CTNND2: variants seen among roughly 807,000 people sequenced by gnomAD.
The protein encoded by CTNND2 is catenin delta-2.
A neutral mutation model predicts 144.4 loss-of-function variants in CTNND2; 22 were observed. That is an observed-to-expected ratio of 0.15 (90% CI 0.11 to 0.22). The LOEUF (loss-of-function observed/expected upper bound fraction) is 0.22. Ranked by LOEUF, CTNND2 falls within the 10% of genes least tolerant of loss-of-function variation. The pLI is 1.00. For synonymous variants in CTNND2, 751 were observed against 695.6 expected, an observed-to-expected ratio of 1.08 and a Z score of -1.25; for missense variants, 1,353 against 1,618.8, an observed-to-expected ratio of 0.84 and a Z score of 2.82.
chr5:11,293,514 T>G (rs1748583277), intron 9 of CTNND2, among the ~76,000 whole-genome samples: 1 of 152,160 alleles, frequency 6.6e-6, no homozygotes, highest in African/African-American at 2.4e-5. Context: ...TTTTACTGTT[T>G]CTTTTATAAT....
At chr5:11,034,952 A>G (rs1743907513) in intron 16 of CTNND2, among the ~76,000 whole-genome samples, 1 of 151,598 alleles carries the variant, frequency 6.6e-6, no homozygotes, top group African/African-American at 2.4e-5. Context: ...TACATGTGCC[A>G]TGCTGGTGCG....
At chr5:11,165,291 C>T (rs753274604) in intron 11 of CTNND2, among the ~76,000 whole-genome samples, 6 of 152,146 alleles carry the variant, frequency 3.9e-5, no homozygotes, top group Non-Finnish European at 7.4e-5. Context: ...ATCTCTGGTG[C>T]TTCATTTGGG....
At chr5:11,232,325 A>T (rs1316937911) in intron 10 of CTNND2, among the ~76,000 whole-genome samples, 1 of 35,238 alleles carries the variant, frequency 2.8e-5, no homozygotes, top group East Asian at 3.0e-3. Flanking sequence ...GTGCCTGGAA[A>T]AGCTGCAGAC....
chr5:11,099,344 G>A (rs1022276595), intron 14 of CTNND2, among the ~76,000 whole-genome samples: 4 of 152,170 alleles, frequency 2.6e-5, no homozygotes, highest in African/African-American at 7.2e-5. Context: ...AGATCTTGGA[G>A]CAATCATGAT....
chr5:11,643,712 ATTAC>A (rs1561651258), intron 2 of CTNND2, among the ~76,000 whole-genome samples: 2 of 152,068 alleles, frequency 1.3e-5, no homozygotes, highest in African/African-American at 4.8e-5. Flanking sequence ...CTTTAATGGG[ATTAC>A]TTATTATTGT....
At chr5:11,634,745 G>C (rs976039768) in intron 2 of CTNND2, among the ~76,000 whole-genome samples, 1 of 152,144 alleles carries the variant, frequency 6.6e-6, no homozygotes, top group Non-Finnish European at 1.5e-5. Flanking sequence ...AAGAAAATGA[G>C]TCAATGATGG....
intron 1 of CTNND2, among the ~76,000 whole-genome samples, chr5:11,868,257 G>A (rs1795868861): frequency 6.6e-6 from 1 of 152,094 alleles, no homozygotes; most frequent in Admixed American, 6.5e-5. Context: ...TGTCAGGACA[G>A]TCTTTGGGTG....
At chr5:11,319,616 G>C (rs902415074) in intron 9 of CTNND2, among the ~76,000 whole-genome samples, 1 of 152,246 alleles carries the variant, frequency 6.6e-6, no homozygotes, top group African/African-American at 2.4e-5. Context: ...TGCCTCTTCT[G>C]TTCAAGCGAT....
chr5:10,991,713 G>T (rs147723574), intron 19 of CTNND2, among the ~76,000 whole-genome samples: 117 of 152,318 alleles, frequency 7.7e-4, no homozygotes, highest in African/African-American at 2.7e-3. Flanking sequence ...TGACATGGAA[G>T]TTATAGTTGG....
chr5:11,869,294 T>C (rs867311995), intron 1 of CTNND2, among the ~76,000 whole-genome samples: 1 of 152,204 alleles, frequency 6.6e-6, no homozygotes, highest in Non-Finnish European at 1.5e-5. Context: ...GCAGCATTAT[T>C]CACAATTGCC....
chr5:11,491,894 T>C (rs1326981743), intron 3 of CTNND2, among the ~76,000 whole-genome samples: 1 of 152,198 alleles, frequency 6.6e-6, no homozygotes, highest in Non-Finnish European at 1.5e-5. Flanking sequence ...CATTGAACAT[T>C]TGGTTCTCTC....
intron 1 of CTNND2, among the ~76,000 whole-genome samples, chr5:11,737,091 G>A (rs1787724096): frequency 6.6e-6 from 1 of 152,076 alleles, no homozygotes; most frequent in South Asian, 2.1e-4. Flanking sequence ...TGGGTTCCCA[G>A]CAGTAGAATT....
intron 10 of CTNND2, among the ~76,000 whole-genome samples, chr5:11,203,340 G>A (rs879295885): frequency 1.3e-5 from 2 of 152,140 alleles, no homozygotes; most frequent in Non-Finnish European, 2.9e-5. Flanking sequence ...CATCCAGCAA[G>A]CTGAGCCCAG....
At chr5:11,776,406 T>C (rs571255771) in intron 1 of CTNND2, among the ~76,000 whole-genome samples, 1 of 152,290 alleles carries the variant, frequency 6.6e-6, no homozygotes, top group Admixed American at 6.5e-5. Flanking sequence ...GCATTTCTAA[T>C]CATAAACCTC....
chr5:11,142,316 G>T (rs1157125722), intron 12 of CTNND2, among the ~76,000 whole-genome samples: 1 of 152,196 alleles, frequency 6.6e-6, no homozygotes, highest in Non-Finnish European at 1.5e-5. Context: ...CCTAGTGCCT[G>T]CTTCTTCTTT....
At chr5:11,258,973 C>T (rs2149950053) in intron 9 of CTNND2, among the ~76,000 whole-genome samples, 1 of 152,262 alleles carries the variant, frequency 6.6e-6, no homozygotes, top group Non-Finnish European at 1.5e-5. Context: ...GTAGGTCATG[C>T]TCTGTTTGGC....
chr5:11,688,578 T>C (rs1167880263), intron 2 of CTNND2, among the ~76,000 whole-genome samples: 1 of 152,256 alleles, frequency 6.6e-6, no homozygotes, highest in African/African-American at 2.4e-5. Context: ...TTGCATGGGT[T>C]ATCTAAATCT....
At chr5:11,051,599 G>C (rs1580146487) in intron 16 of CTNND2, among the ~76,000 whole-genome samples, 1 of 152,192 alleles carries the variant, frequency 6.6e-6, no homozygotes, top group East Asian at 1.9e-4. Context: ...TCTAATAACT[G>C]AGAAATCAGA....
chr5:11,128,325 T>G (rs1026856374), intron 12 of CTNND2, among the ~76,000 whole-genome samples: 3 of 152,090 alleles, frequency 2.0e-5, no homozygotes, highest in African/African-American at 7.2e-5. Flanking sequence ...CTCAGTCTCA[T>G]GGCCATAAGG....
Sources: allele counts gnomAD v4.1 joint callset (sites outside exome capture counted in the v4.1 genomes callset), GRCh38; gene constraint gnomAD v4.1.1; transcripts MANE v1.5; gene names NCBI Gene and HGNC (gene_info 2026-07-23, HGNC 2026-07-21).